The following PUSL1 variants were observed in gnomAD, a reference collection of about 807,000 sequenced individuals.
PUSL1 encodes pseudouridine synthase like 1.
Under a neutral mutation model 30.7 loss-of-function variants are expected in PUSL1, and 51 were observed. That is an observed-to-expected ratio of 1.66 (90% CI 1.33 to 2.10). The LOEUF is 2.10. Ranked by LOEUF, PUSL1 falls within the 30% of genes most tolerant of loss-of-function variation. PUSL1 has a pLI of 0.00. For missense variants in PUSL1, 609 were observed against 427.6 expected, an observed-to-expected ratio of 1.42 and a Z score of -3.74; for synonymous variants, 290 against 192.1, an observed-to-expected ratio of 1.51 and a Z score of -4.21.
At chr1:1,310,275 T>C (rs1642051005) in intron 5 of PUSL1, 2 of 345,096 alleles carry the variant, frequency 5.8e-6, no homozygotes. Flanking sequence ...CCCAGACTTC[T>C]GTGGCAGAGC....
rs373068333 is a variant in PUSL1 at position 1,308,988 on chromosome 1, C to A, written c.135+16C>A. 4 of 1,403,574 alleles carry A rather than the reference C, an allele frequency of 2.8e-6. No individual in the cohort carries two copies. In the South Asian group the frequency reaches 4.8e-5, roughly 17 times the overall value. 86.9% of individuals were successfully genotyped at this position (1,403,574 alleles called of 1,614,324 possible). ...CTACCTGGAGGTGCGCTCAGCCGGT[C>A]ACGGGACGCCCGGTGAGGGGTAAGG... On this transcript the variant is annotated intron_variant, in intron 2 of 7. Coordinates refer to ENST00000379031, the MANE Select transcript of PUSL1 (RefSeq NM_153339.3).
chr1:1,311,206 C>A, intron 7 of PUSL1, 124 bp from the exon 8 acceptor site: 1 of 1,413,642 alleles, frequency 7.1e-7, no homozygotes, highest in South Asian at 1.4e-5. Flanking sequence ...GCTGCAGTCC[C>A]TCAGGCCAGC....
chr1:1,309,508 G>T lies in PUSL1; in HGVS notation c.378G>T (p.Thr126=). Residue 126 remains threonine (T), a synonymous_variant, in exon 4 of 8, where the codon ACG becomes ACT. Coordinates refer to ENST00000379031, the MANE Select transcript of PUSL1 (RefSeq NM_153339.3). ...ACTTCCACGCTCGTCACGCAGCCAC[G>T]TCCCGGACCTACCTGTACCGCCTGG... ...PSDFHARHAA[T]SRTYLYRLAT... 1 of 1,610,298 alleles carries T rather than the reference G, an allele frequency of 6.2e-7. No individual in the cohort carries two copies. Among genetic ancestry groups the T allele is most frequent in the Non-Finnish European group, 8.5e-7 (1 of 1,178,952 alleles).
rs769312417 is a variant in PUSL1 at position 1,310,802 on chromosome 1, G to A, written c.700-107G>A. On this transcript the variant is annotated intron_variant, in intron 6 of 7. Transcript: ENST00000379031. ...CTGGGTCACAGGTACGGAGGATGAC[G>A]GCTGTGCTGGTGGGTCACGGGCGGC... The A allele has an allele frequency of 1.9e-5, 30 of 1,609,342 alleles. No individual in the cohort carries two copies. The East Asian group carries it at 4.5e-4, about 24-fold the overall frequency.
Position 1,311,056 on chromosome 1 carries a change from C to T in PUSL1, c.847C>T (p.Leu283=), listed in dbSNP as rs760596195. 1.9e-6 allele frequency: 3 copies of T among 1,606,170 alleles called. No homozygotes were observed. Among genetic ancestry groups the T allele is most frequent in the Admixed American group, 1.7e-5 (1 of 59,762 alleles). ...CCACGGCTTATTCCTCAAGTCAGTGCTGTACGGGAACCTCGGTAAGAAAAA... is the reference window on the plus strand; with the variant it reads ...CCACGGCTTATTCCTCAAGTCAGTGTTGTACGGGAACCTCGGTAAGAAAAA... The part of the protein sequence containing the change: ...PAHGLFLKSV[L]YGNLGAASCT... Residue 283 remains leucine, a synonymous_variant, in exon 7 of 8, where the codon CTG becomes TTG. Coordinates refer to ENST00000379031, the MANE Select transcript of PUSL1 (RefSeq NM_153339.3).
chr1:1,311,168 C>G (rs972739749), intron 7 of PUSL1, 97 bp downstream of exon 7: 2 of 1,489,100 alleles, frequency 1.3e-6, no homozygotes, highest in African/African-American at 1.4e-5. Context: ...ACGGCAGCAA[C>G]TGGGGGTGAA....
chr1:1,310,004 C>T, intron 5 of PUSL1, 153 bp downstream of exon 5: 1 of 586,430 alleles, frequency 1.7e-6, no homozygotes, highest in African/African-American at 1.9e-5. Flanking sequence ...CGCCCGGACG[C>T]CCCCCAGCCT....
chr1:1,309,777 C>A lies in PUSL1; in HGVS notation c.570C>A (p.Ser190Arg). ...AGTCCGCTGGCAGCCCGGTGCCGAG[C>A]CCCGTGCGAACGCTGCGCCGGGTCT... ...AFQSAGSPVPSPVRTLRRVSV... is the reference protein window; with the variant it reads ...AFQSAGSPVPRPVRTLRRVSV... Residue 190 changes from serine to arginine, a missense_variant, in exon 5 of 8, where the codon AGC becomes AGA. Physicochemically the swap from Ser to Arg is moderately radical, Grantham distance 110 (BLOSUM62 -1). Coordinates refer to ENST00000379031, the MANE Select transcript of PUSL1 (RefSeq NM_153339.3). 6.4e-7 allele frequency: 1 copy of A among 1,568,672 alleles called. No individual in the cohort carries two copies. The highest frequency in any genetic ancestry group is 8.6e-7 in the Non-Finnish European group (1 of 1,157,146).
chr1:1,309,738 C>T lies in PUSL1; in HGVS notation c.531C>T (p.Asp177=), dbSNP rs781143448. The change falls in exon 5 of 8, where the codon GAC becomes GAT. Residue 177 remains aspartate (D), a synonymous_variant. Coordinates refer to ENST00000379031, the MANE Select transcript of PUSL1 (RefSeq NM_153339.3). ...EAAQHLLGTH[D]FSAFQSAGSP... is the part of the protein sequence containing the mutation. Reference sequence around the variant, plus strand: ...CCCAGCACCTCCTCGGCACACACGACTTCAGCGCCTTCCAGTCCGCTGGCA... The same window carrying T: ...CCCAGCACCTCCTCGGCACACACGATTTCAGCGCCTTCCAGTCCGCTGGCA... 3.1e-6 allele frequency: 5 copies of T among 1,598,092 alleles called. No homozygotes were observed. In the East Asian group the frequency reaches 1.1e-4, roughly 36 times the overall value.
At chr1:1,310,438 A>C (rs1642063309) in intron 5 of PUSL1, 196 bp from the exon 6 acceptor site, 1 of 605,788 alleles carries the variant, frequency 1.7e-6, no homozygotes. Context: ...TTGCCCAAGC[A>C]TTGTTTCTCT....
rs1641973415 is a variant in PUSL1, at chr1:1,309,521, C to T, written c.391C>T (p.Leu131=). The T allele has an allele frequency of 1.2e-6, 2 of 1,611,346 alleles. No individual in the cohort carries two copies. The highest frequency in any genetic ancestry group is 2.2e-5 in the South Asian group (2 of 90,826). ...ARHAATSRTY[L]YRLATGCHRR... Reference sequence around the variant, plus strand: ...TCACGCAGCCACGTCCCGGACCTACCTGTACCGCCTGGCCACTGGCTGTCA... The same window carrying T: ...TCACGCAGCCACGTCCCGGACCTACTTGTACCGCCTGGCCACTGGCTGTCA... The change falls in exon 4 of 8, where the codon CTG becomes TTG. Residue 131 remains leucine (L), a synonymous_variant. Transcript: ENST00000379031.
chr1:1,311,198 T>C (rs779062939), intron 7 of PUSL1, 127 bp downstream of exon 7: 1 of 1,423,196 alleles, frequency 7.0e-7, no homozygotes, highest in Non-Finnish European at 9.5e-7. Context: ...CGCCCAGGGC[T>C]GCAGTCCCTC....
rs1642078180 is a variant in PUSL1 at position 1,310,630 on chromosome 1, C to G, written c.645-4C>G. 4 of 1,561,230 alleles carry G rather than the reference C, an allele frequency of 2.6e-6. No individual in the cohort carries two copies. Among genetic ancestry groups the G allele is most frequent in the African/African-American group, 2.7e-5 (2 of 73,330 alleles). ...CAGACACCTACAGGTACGTATTTTTCCAGGAAGCTGCGGTTCTGGAACCTG... is the reference window on the plus strand; with the variant it reads ...CAGACACCTACAGGTACGTATTTTTGCAGGAAGCTGCGGTTCTGGAACCTG... On this transcript the variant is annotated splice_region_variant and splice_polypyrimidine_tract_variant and intron_variant, in intron 5 of 7. Transcript: ENST00000379031.
intron 5 of PUSL1, chr1:1,310,082 C>G: frequency 1.9e-6 from 1 of 527,452 alleles, no homozygotes; most frequent in Non-Finnish European, 3.3e-6. Context: ...TGAAAAACCC[C>G]TGCCATGCCT....
At position 1,310,642 on chromosome 1, in the gene PUSL1, G is replaced by A. The variant is rs145899282; in HGVS notation, c.653G>A (p.Arg218Gln). 2.2e-4 allele frequency: 347 copies of A among 1,573,364 alleles called. 1 individual carries two copies. The African/African-American group carries it at 3.8e-3, about 17-fold the overall frequency. ...LVTPEESRKLRFWNLEFESQS... is the reference protein window; with the variant it reads ...LVTPEESRKLQFWNLEFESQS... Reference sequence around the variant, plus strand: ...GGTACGTATTTTTCCAGGAAGCTGCGGTTCTGGAACCTGGAGTTTGAGAGC... The same window carrying A: ...GGTACGTATTTTTCCAGGAAGCTGCAGTTCTGGAACCTGGAGTTTGAGAGC... The change falls in exon 6 of 8, where the codon CGG becomes CAG. Residue 218 changes from arginine (R) to glutamine (Q), a missense_variant. Physicochemically the swap from Arg to Gln is conservative, Grantham distance 43. Transcript: ENST00000379031.
At position 1,310,688 on chromosome 1, in the gene PUSL1, G is replaced by A; in HGVS notation, c.699G>A (p.Gln233=). 17 of 1,609,532 alleles carry A rather than the reference G, an allele frequency of 1.1e-5. No individual in the cohort carries two copies. Among genetic ancestry groups the A allele is most frequent in the Non-Finnish European group, 1.4e-5 (17 of 1,177,338 alleles). ...AGAGCCAGTCTTTCCTGTATAGACA[G>A]GTAGGCTCTGTTCTGGGGCCGTCCC... ...EFESQSFLYR[Q]VRRMTAVLVA... is the part of the protein sequence containing the mutation. Residue 233 remains glutamine (Q), a splice_region_variant and synonymous_variant, in exon 6 of 8, where the codon CAG becomes CAA. Transcript: ENST00000379031.
chr1:1,310,384 G>T, intron 5 of PUSL1: 1 of 523,686 alleles, frequency 1.9e-6, no homozygotes, highest in Non-Finnish European at 3.4e-6. Context: ...GCCCCTCTGG[G>T]ATGGCCAGGC....
At position 1,308,948 on chromosome 1, in the gene PUSL1, C is replaced by T; in HGVS notation, c.111C>T (p.Ala37=). ...CGGCCGTCAGGGGCACTCAGCGCGC[C>T]GTCGGGGTCCAGAACTACCTGGAGG... is the stretch of plus-strand genomic sequence containing the variant. ...GVAAVRGTQR[A]VGVQNYLEEA... Residue 37 remains alanine, a synonymous_variant, in exon 2 of 8, where the codon GCC becomes GCT. Coordinates refer to ENST00000379031, the MANE Select transcript of PUSL1 (RefSeq NM_153339.3). 2.8e-6 allele frequency: 4 copies of T among 1,420,426 alleles called. No individual in the cohort carries two copies. The highest frequency in any genetic ancestry group is 1.8e-6 in the Non-Finnish European group (2 of 1,090,938). The allele number at this position is 1,420,426 out of a possible 1,614,324, so 88.0% of individuals were successfully genotyped here. A position where few individuals can be genotyped will look rare whatever the true frequency, so the allele number is the denominator to read the frequency against.
In PUSL1 at chr1:1,309,079, C is replaced by T; in HGVS notation, c.136-7C>T. ...TCACCCGCCCGCCCCGCGGCTCGGT[C>T]CTGCAGGAGGCCGCCGAGCGGCTGA... On this transcript the variant is annotated splice_region_variant and splice_polypyrimidine_tract_variant and intron_variant, in intron 2 of 7. Transcript: ENST00000379031. The T allele has an allele frequency of 3.4e-6, 5 of 1,474,390 alleles. No individual in the cohort carries two copies. The African/African-American group carries it at 5.9e-5, about 17-fold the overall frequency. 91.3% of individuals were successfully genotyped at this position (1,474,390 alleles called of 1,614,324 possible).
Sources: gnomAD v4.1 joint callset for allele counts on GRCh38, gnomAD v4.1.1 for gene constraint, MANE v1.5 for transcripts, NCBI Gene and HGNC (gene_info 2026-07-23, HGNC 2026-07-21) for gene names.